RBM19: variants seen among roughly 807,000 people sequenced by gnomAD.
RBM19 encodes RNA binding motif protein 19.
In RBM19, 94 loss-of-function variants were observed where a neutral mutation model predicts 116.8. That is an observed-to-expected ratio of 0.80 (90% CI 0.68 to 0.95). The LOEUF is 0.95. RBM19 is among the 40% of genes least tolerant of loss of function. The pLI is 0.00. For synonymous variants in RBM19, 475 were observed against 494.1 expected (o/e 0.96, Z 0.51); for missense variants, 1,161 against 1,220.7 (o/e 0.95, Z 0.73).
At chr12:113,962,099 G>T in intron 2 of RBM19, 133 bp downstream of exon 2, 1 of 1,079,870 alleles carries the variant, frequency 9.3e-7, no homozygotes. Context: ...ATGAAAGTGT[G>T]TGAATCGGTG....
At chr12:113,920,721 C>T (rs142858844) in intron 18 of RBM19, 31 bp from the exon 19 acceptor site, 20,593 of 1,594,286 alleles carry the variant, frequency 0.013, 189 homozygotes, top group South Asian at 0.026. Flanking sequence ...TCACACCAGT[C>T]GGTGAAGCGG....
Position 113,945,915 on chromosome 12 carries a change from G to C in RBM19, c.1539C>G (p.Asn513Lys). 6.3e-7 allele frequency: 1 copy of C among 1,575,562 alleles called. No individual in the cohort carries two copies. The highest frequency in any genetic ancestry group is 1.1e-5 in the South Asian group (1 of 90,234). The change falls in exon 13 of 24, where the codon AAC becomes AAG. Residue 513 changes from asparagine (N) to lysine (K), a missense_variant. Physicochemically the swap from Asn to Lys is moderately conservative, Grantham distance 94 (BLOSUM62 0). Transcript: ENST00000261741. ...QDKANSASSH[N>K]WNTLFMGPNA... ...TCGGCCCCATGAATAGTGTGTTCCA[G>C]TTGTGAGAGCTAAGAGGCAGAGGCA... is the stretch of plus-strand genomic sequence containing the variant.
Position 113,962,164 on chromosome 12 carries a change from T to C in RBM19, c.219+68A>G, listed in dbSNP as rs777931770. On this transcript the variant is annotated intron_variant, in intron 2 of 23. Coordinates refer to ENST00000261741, the MANE Select transcript of RBM19 (RefSeq NM_016196.4). ...AAGAGGGACGGTCTTTGAACTCAAG[T>C]GCTGAGTGAAAGATCAAACAACGTC... The C allele has an allele frequency of 5.6e-4, 872 of 1,560,138 alleles. 3 individuals carry two copies. Among genetic ancestry groups the C allele is most frequent in the Non-Finnish European group, 6.8e-4 (777 of 1,137,282 alleles).
intron 21 of RBM19, among the ~76,000 whole-genome samples, chr12:113,884,298 T>TAC (rs56150788): frequency 0.1 from 13,917 of 137,190 alleles, 891 homozygotes; most frequent in African/African-American, 0.19. Context: ...AAAAAAAGTA[T>TAC]ACACACACAC....
chr12:113,833,625 G>A (rs546415813), intron 23 of RBM19, among the ~76,000 whole-genome samples: 1 of 152,298 alleles, frequency 6.6e-6, no homozygotes, highest in Non-Finnish European at 1.5e-5. Flanking sequence ...TGGCTAGTTG[G>A]TCCCTTTGAA....
chr12:113,885,301 C>T lies in RBM19; in HGVS notation c.2559-26405G>A, dbSNP rs538044541. Among the ~76,000 whole-genome samples, 10 of 152,286 alleles carry T rather than the reference C, an allele frequency of 6.6e-5. No homozygotes were observed. In the South Asian group the frequency reaches 1.0e-3, roughly 16 times the overall value. On this transcript the variant is annotated intron_variant, in intron 21 of 23. Coordinates refer to ENST00000261741, the MANE Select transcript of RBM19 (RefSeq NM_016196.4). ...AGAATCCTAACCAATCCAATCAGGA[C>T]GAATCATCCCACAAACCCAATCGGG... is the stretch of plus-strand genomic sequence containing the variant.
chr12:113,852,223 C>T (rs532216001), intron 22 of RBM19, among the ~76,000 whole-genome samples: 91 of 152,176 alleles, frequency 6.0e-4, no homozygotes, highest in South Asian at 8.3e-4. Context: ...GTCCTCAGTC[C>T]GCACAGAAGC....
At chr12:113,937,755 TAAAAAAAAAAA>T (rs35507198) in intron 15 of RBM19, among the ~76,000 whole-genome samples, 20 of 118,804 alleles carry the variant, frequency 1.7e-4, no homozygotes, top group African/African-American at 6.2e-4. Flanking sequence ...TCCTGCCTCT[TAAAAAAAAAAA>T]AAAAAAAAAA....
At chr12:113,817,337 C>T (rs1326054686), downstream of RBM19, 1 of 152,336 alleles carries the variant, frequency 6.6e-6, no homozygotes, top group Non-Finnish European at 1.5e-5. Context: ...CAGTGTCTCG[C>T]ACACAGCAGA....
downstream of RBM19, among the ~76,000 whole-genome samples, chr12:113,819,983 A>G (rs1456265853): frequency 1.3e-5 from 2 of 150,446 alleles, no homozygotes; most frequent in East Asian, 3.9e-4. Context: ...GGTCACTGAG[A>G]TCTTGCTCAC....
intron 22 of RBM19, among the ~76,000 whole-genome samples, chr12:113,855,352 G>C (rs1201380128): frequency 6.6e-6 from 1 of 152,224 alleles, no homozygotes; most frequent in East Asian, 1.9e-4. Context: ...CTCCATTCCT[G>C]TTCCAGCCTC....
intron 1 of RBM19, 183 bp downstream of exon 1, chr12:113,966,009 T>C: frequency 1.7e-5 from 11 of 661,854 alleles, no homozygotes; most frequent in Middle Eastern, 5.4e-4. Context: ...AAGCAGTCAC[T>C]ATTCCTCTTT....
chr12:113,955,141 T>C lies in RBM19; in HGVS notation c.911A>G (p.Asn304Ser), dbSNP rs746364525. The part of the protein sequence containing the change: ...HTVKLRGAPF[N>S]VTEKNVMEFL... The stretch of plus-strand genomic sequence containing the variant: ...TCAGTTAGCACATACCTCTGTGACA[T>C]TGAACGGGGCTCCCCGCAGCTTCAC... Residue 304 changes from asparagine (N) to serine (S), a missense_variant, in exon 7 of 24, where the codon AAT (asparagine) becomes AGT (serine). Physicochemically the swap from Asn to Ser is conservative, Grantham distance 46. Coordinates refer to ENST00000261741, the MANE Select transcript of RBM19 (RefSeq NM_016196.4). 8 of 1,613,960 alleles carry C rather than the reference T, an allele frequency of 5.0e-6. No homozygotes were observed. The Admixed American group carries it at 5.0e-5, about 10-fold the overall frequency.
At chr12:113,957,594 TAA>T (rs978253347) in intron 6 of RBM19, among the ~76,000 whole-genome samples, 186 bp downstream of exon 6, 6 of 143,052 alleles carry the variant, frequency 4.2e-5, no homozygotes, top group Non-Finnish European at 9.5e-5. Flanking sequence ...AAAATAAAAA[TAA>T]AAACAGAAAA....
chr12:113,955,042 A>G (rs1466504804), intron 7 of RBM19, 89 bp downstream of exon 7: 22 of 1,299,732 alleles, frequency 1.7e-5, no homozygotes, highest in Non-Finnish European at 2.2e-5. Context: ...ACCGACTCTA[A>G]TGCCCCCATG....
chr12:113,887,569 A>T, intron 21 of RBM19, among the ~76,000 whole-genome samples: 1 of 113,764 alleles, frequency 8.8e-6, no homozygotes, highest in Non-Finnish European at 1.7e-5. Flanking sequence ...CCCGGGAGTG[A>T]GGTTGCAGTG....
intron 21 of RBM19, among the ~76,000 whole-genome samples, chr12:113,873,537 C>T (rs1243660902): frequency 2.5e-4 from 28 of 110,588 alleles, no homozygotes; most frequent in African/African-American, 9.5e-4. Flanking sequence ...GGGACACAAA[C>T]ACTGCGGAAG....
At chr12:113,890,125 C>T (rs1274662697) in intron 21 of RBM19, among the ~76,000 whole-genome samples, 1 of 152,230 alleles carries the variant, frequency 6.6e-6, no homozygotes, top group Non-Finnish European at 1.5e-5. Context: ...TCCCCCCTCC[C>T]TCGCTGCCCA....
chr12:113,926,836 A>G (rs996074584), intron 17 of RBM19, among the ~76,000 whole-genome samples: 4 of 151,876 alleles, frequency 2.6e-5, no homozygotes, highest in African/African-American at 9.7e-5. Flanking sequence ...GGTAGCCCCT[A>G]TCAGGGCCCC....
Sources: gnomAD v4.1 joint callset for allele counts (sites outside exome capture counted in the v4.1 genomes callset) on GRCh38, gnomAD v4.1.1 for gene constraint, MANE v1.5 for transcripts, NCBI Gene and HGNC (gene_info 2026-07-23, HGNC 2026-07-21) for gene names.